RIMS1: variants seen among roughly 807,000 people sequenced by gnomAD.
The protein encoded by RIMS1 is regulating synaptic membrane exocytosis 1, also known as regulating synaptic membrane exocytosis protein 1.
In RIMS1, 83 loss-of-function variants were observed where a neutral mutation model predicts 214.1. That is an observed-to-expected ratio of 0.39 (90% CI 0.32 to 0.47). The LOEUF is 0.47. Among genes scored for constraint, RIMS1 ranks in the 20% least tolerant of loss-of-function variants. The pLI, the probability that RIMS1 is intolerant of heterozygous loss-of-function variation, is 0.99. For synonymous variants in RIMS1, 793 were observed against 786.8 expected, an observed-to-expected ratio of 1.01 and a Z score of -0.13; for missense variants, 2,050 against 2,161.8, an observed-to-expected ratio of 0.95 and a Z score of 1.03.
At chr6:71,893,963 G>T (rs1010574794) in intron 1 of RIMS1, among the ~76,000 whole-genome samples, 3 of 152,092 alleles carry the variant, frequency 2.0e-5, no homozygotes, top group African/African-American at 7.2e-5. Flanking sequence ...TTTCAACCCG[G>T]ATGACAAATT....
At chr6:72,328,970 C>T (rs904509425) in intron 28 of RIMS1, among the ~76,000 whole-genome samples, 5 of 151,746 alleles carry the variant, frequency 3.3e-5, no homozygotes, top group African/African-American at 1.2e-4. Flanking sequence ...TATTATTAGT[C>T]ATAAGCAATG....
intron 29 of RIMS1, among the ~76,000 whole-genome samples, chr6:72,342,465 G>A (rs146157942): frequency 9.5e-4 from 145 of 151,884 alleles, no homozygotes; most frequent in African/African-American, 3.3e-3. Flanking sequence ...TGGCAAGATG[G>A]ATAAATGGAG....
intron 7 of RIMS1, among the ~76,000 whole-genome samples, chr6:72,234,883 C>T (rs762798705): frequency 3.3e-5 from 5 of 151,866 alleles, no homozygotes; most frequent in Non-Finnish European, 4.4e-5. Context: ...TCTTCCCTGT[C>T]TTTTTGTGGT....
chr6:72,099,447 C>A (rs2032964156), intron 3 of RIMS1, among the ~76,000 whole-genome samples: 1 of 152,070 alleles, frequency 6.6e-6, no homozygotes, highest in African/African-American at 2.4e-5. Context: ...ATGTGTATCA[C>A]AAATAAATAT....
In RIMS1 at chr6:72,213,214, C is replaced by T. The variant is rs904456183; in HGVS notation, c.1679-20559C>T. 24 of 1,535,866 alleles carry T rather than the reference C, an allele frequency of 1.6e-5. No individual in the cohort carries two copies. In the Admixed American group the frequency reaches 4.3e-4, roughly 28 times the overall value. On this transcript the variant is annotated intron_variant, in intron 6 of 33. Coordinates refer to ENST00000521978, the MANE Select transcript of RIMS1 (RefSeq NM_014989.7). ...GAGGGAACAATTGAAGCTCGACGAG[C>T]AGTTGCTGGTAAGCAATAGATAATG...
chr6:72,400,609 G>A lies in RIMS1; in HGVS notation c.4974G>A (p.Leu1658=), dbSNP rs2098829266. 2 of 1,613,820 alleles carry A rather than the reference G, an allele frequency of 1.2e-6. No homozygotes were observed. The highest frequency in any genetic ancestry group is 4.5e-5 in the East Asian group (2 of 44,872). ...GCATGGTGATCGGATGGTACAAATTGTTCCCACCGTCCTCACTGGTGGATC... is the reference window on the plus strand; with the variant it reads ...GCATGGTGATCGGATGGTACAAATTATTCCCACCGTCCTCACTGGTGGATC... The part of the protein sequence containing the change: ...LSSMVIGWYK[L]FPPSSLVDPT... Residue 1658 remains leucine (L), a synonymous_variant, in exon 34 of 34, where the codon TTG becomes TTA. Transcript: ENST00000521978.
intron 26 of RIMS1, 32 bp from the exon 27 acceptor site, chr6:72,307,226 T>A: frequency 7.0e-7 from 1 of 1,428,690 alleles, no homozygotes; most frequent in Non-Finnish European, 9.7e-7. Context: ...TCTTCACATG[T>A]TTTAATAGGC....
chr6:72,283,429 T>C (rs2091095142), intron 23 of RIMS1, among the ~76,000 whole-genome samples: 1 of 152,188 alleles, frequency 6.6e-6, no homozygotes, highest in Non-Finnish European at 1.5e-5. Context: ...GTAATGTGAT[T>C]AAAATGCTGT....
intron 1 of RIMS1, among the ~76,000 whole-genome samples, chr6:71,907,653 A>G (rs1262236416): frequency 6.6e-6 from 1 of 152,188 alleles, no homozygotes; most frequent in Non-Finnish European, 1.5e-5. Context: ...AAAATACTCA[A>G]AAAATAATCC....
chr6:72,012,231 CA>C (rs1354449295), intron 2 of RIMS1, among the ~76,000 whole-genome samples: 3 of 151,524 alleles, frequency 2.0e-5, no homozygotes, highest in African/African-American at 7.3e-5. Flanking sequence ...ATCACAAGGA[CA>C]AAAAACCAAA....
chr6:72,374,148 C>T (rs1471164893), intron 29 of RIMS1, among the ~76,000 whole-genome samples: 3 of 152,076 alleles, frequency 2.0e-5, no homozygotes, highest in Admixed American at 1.3e-4. Flanking sequence ...CTCTTGACCT[C>T]GTGATCCGCC....
chr6:72,235,705 T>G lies in RIMS1; in HGVS notation c.1834T>G (p.Ser612Ala). 1.2e-6 allele frequency: 2 copies of G among 1,605,620 alleles called. No homozygotes were observed. Among genetic ancestry groups the G allele is most frequent in the Non-Finnish European group, 1.7e-6 (2 of 1,175,118 alleles). The change falls in exon 8 of 34, where the codon TCA (serine) becomes GCA (alanine). Residue 612 changes from serine to alanine, a missense_variant. Coordinates refer to ENST00000521978, the MANE Select transcript of RIMS1 (RefSeq NM_014989.7). ...CAAGAGAACAACCATGCCCAAAGAC[T>G]CAGGTGCATTGCTGGGTCTGAAAGT... ...LNKRTTMPKD[S>A]GALLGLKVVG...
intron 4 of RIMS1, among the ~76,000 whole-genome samples, chr6:72,170,946 T>C (rs914442658): frequency 2.0e-5 from 3 of 152,158 alleles, no homozygotes; most frequent in African/African-American, 7.2e-5. Context: ...AATCCTAACA[T>C]AGAGTCTATG....
intron 4 of RIMS1, among the ~76,000 whole-genome samples, chr6:72,139,449 T>C (rs139411583): frequency 0.017 from 2,542 of 152,292 alleles, 33 homozygotes; most frequent in Non-Finnish European, 0.023. Flanking sequence ...GCCCACCCAC[T>C]GCTCCTACTC....
chr6:72,365,422 T>G (rs966788766), intron 29 of RIMS1, among the ~76,000 whole-genome samples: 6 of 152,240 alleles, frequency 3.9e-5, no homozygotes, highest in African/African-American at 1.4e-4. Context: ...GCTAAACTTT[T>G]GAATTACATA....
rs1045019741 is a variant in RIMS1, at chr6:72,072,175, C to A, written c.246-24774C>A. Among the ~76,000 whole-genome samples, 9 of 152,098 alleles carry A rather than the reference C, an allele frequency of 5.9e-5. No homozygotes were observed. The South Asian group carries it at 6.2e-4, about 11-fold the overall frequency. On this transcript the variant is annotated intron_variant, in intron 2 of 33. Coordinates refer to ENST00000521978, the MANE Select transcript of RIMS1 (RefSeq NM_014989.7). ...AGAAGGAAATTTAGATTAAATTACA[C>A]CTAAAATCTCTCTCTACATGAAGTG...
At chr6:72,285,432 T>C (rs2091955224) in intron 24 of RIMS1, among the ~76,000 whole-genome samples, 1 of 152,214 alleles carries the variant, frequency 6.6e-6, no homozygotes, top group Non-Finnish European at 1.5e-5. Flanking sequence ...AAAGAAAAGC[T>C]TTCCAGAGGA....
chr6:72,371,193 G>A (rs1455933189), intron 29 of RIMS1, among the ~76,000 whole-genome samples: 1 of 152,016 alleles, frequency 6.6e-6, no homozygotes, highest in Non-Finnish European at 1.5e-5. Context: ...GTGGTCTGGA[G>A]GGTCTATTAT....
chr6:72,283,984 A>G (rs1267369786), intron 23 of RIMS1, 63 bp from the exon 24 acceptor site: 4 of 1,303,478 alleles, frequency 3.1e-6, no homozygotes, highest in African/African-American at 2.9e-5. Flanking sequence ...TGTGTTTATC[A>G]TTGTATGATG....
Sources: gnomAD v4.1 joint callset for allele counts (sites outside exome capture counted in the v4.1 genomes callset) on GRCh38, gnomAD v4.1.1 for gene constraint, MANE v1.5 for transcripts, NCBI Gene and HGNC (gene_info 2026-07-23, HGNC 2026-07-21) for gene names.